PHIP: variants seen among roughly 807,000 people sequenced by gnomAD.
PHIP encodes PH-interacting protein.
PHIP carries 54 observed loss-of-function variants against 236.8 expected under a neutral mutation model. The observed-to-expected ratio is 0.23, with a 90% CI of 0.18 to 0.29. The LOEUF (loss-of-function observed/expected upper bound fraction) is 0.29. PHIP is among the 10% of genes least tolerant of loss of function. The pLI is 1.00. For synonymous variants in PHIP, 756 were observed against 718.9 expected (o/e 1.05, Z -0.83); for missense variants, 1,370 against 2,190.8 (o/e 0.63, Z 7.48).
chr6:79,049,049 T>C (rs1271546201), intron 6 of PHIP, among the ~76,000 whole-genome samples: 1 of 152,004 alleles, frequency 6.6e-6, no homozygotes, highest in Admixed American at 6.6e-5. Flanking sequence ...TTAATTCATT[T>C]TTTATCCTCT....
At chr6:78,984,864 A>G (rs1206531470) in intron 22 of PHIP, among the ~76,000 whole-genome samples, 2 of 152,218 alleles carry the variant, frequency 1.3e-5, no homozygotes, top group African/African-American at 4.8e-5. Flanking sequence ...TTGCAAAGTT[A>G]GCCAAGGTCA....
In PHIP at chr6:79,042,930, C is replaced by A; in HGVS notation, c.513G>T (p.Gln171His). 6.2e-7 allele frequency: 1 copy of A among 1,612,164 alleles called. No homozygotes were observed. The highest frequency in any genetic ancestry group is 8.5e-7 in the Non-Finnish European group (1 of 1,178,520). ...GAATTCGTTTATGCATTTTCATGTG[C>A]TGATACACTGCAGTTGGAACAAGTC... ...LERLVPTAVY[Q>H]HMKMHKRILG... Residue 171 changes from glutamine (Q) to histidine (H), a missense_variant, in exon 7 of 40, where the codon CAG becomes CAT. Physicochemically the swap from Gln to His is conservative, Grantham distance 24 (BLOSUM62 0). Around this residue, in one of 14 missense-constraint regions of PHIP, gnomAD observed 82 missense variants for 203.2 expected, o/e 0.40. Coordinates refer to ENST00000275034, the MANE Select transcript of PHIP (RefSeq NM_017934.7).
chr6:79,005,427 T>C (rs1041686822), intron 15 of PHIP, among the ~76,000 whole-genome samples: 4 of 151,948 alleles, frequency 2.6e-5, no homozygotes, highest in Non-Finnish European at 5.9e-5. Flanking sequence ...TTTTCAGTGT[T>C]TTCCTAGGCA....
At chr6:79,051,244 C>A (rs1772779510) in intron 6 of PHIP, among the ~76,000 whole-genome samples, 2 of 152,126 alleles carry the variant, frequency 1.3e-5, no homozygotes, top group African/African-American at 4.8e-5. Context: ...CAGCAAGTAG[C>A]AACCAACCAA....
chr6:79,060,898 T>G, intron 4 of PHIP, 80 bp from the exon 5 acceptor site: 1 of 924,864 alleles, frequency 1.1e-6, no homozygotes, highest in Non-Finnish European at 1.6e-6. Flanking sequence ...ATAAAAAAAT[T>G]CATCCAAGTA....
chr6:79,006,251 G>C (rs1014577215), intron 15 of PHIP, among the ~76,000 whole-genome samples: 1 of 151,944 alleles, frequency 6.6e-6, no homozygotes, highest in Admixed American at 6.6e-5. Context: ...TTTATTAATA[G>C]ATCCTCAGAC....
At chr6:79,060,841 A>G in intron 4 of PHIP, 23 bp from the exon 5 acceptor site, 1 of 1,451,116 alleles carries the variant, frequency 6.9e-7, no homozygotes, top group Non-Finnish European at 9.4e-7. Flanking sequence ...AGACAAATAT[A>G]GTAGGTTTCA....
intron 21 of PHIP, 76 bp from the exon 22 acceptor site, chr6:78,985,504 ATATCT>A (rs1196137313): frequency 2.1e-5 from 17 of 801,490 alleles, no homozygotes; most frequent in South Asian, 5.6e-5. Context: ...AATATCAGTG[ATATCT>A]TATAATATCA....
At chr6:79,055,456 G>C (rs1277374495) in intron 6 of PHIP, among the ~76,000 whole-genome samples, 1 of 152,146 alleles carries the variant, frequency 6.6e-6, no homozygotes, top group Non-Finnish European at 1.5e-5. Context: ...ATGGAGGTAA[G>C]AGAAAGGACA....
At position 78,978,720 on chromosome 6, in the gene PHIP, A is replaced by G. The variant is rs1167714201; in HGVS notation, c.2770-9T>C. ...TCTCCCACAGCCAATCTCTGACAAA[A>G]TTTAAGTAATAATTGTTAAGTAATA... is the stretch of plus-strand genomic sequence containing the variant. On this transcript the variant is annotated splice_polypyrimidine_tract_variant and intron_variant, in intron 23 of 39. Transcript: ENST00000275034. The G allele has an allele frequency of 6.3e-7, 1 of 1,589,764 alleles. No individual in the cohort carries two copies. Among genetic ancestry groups the G allele is most frequent in the Non-Finnish European group, 8.6e-7 (1 of 1,162,566 alleles).
chr6:79,012,803 CA>C (rs1303655195), intron 15 of PHIP, among the ~76,000 whole-genome samples: 4 of 150,976 alleles, frequency 2.6e-5, no homozygotes, highest in African/African-American at 9.7e-5. Flanking sequence ...ATAAATAAAA[CA>C]AGCAATGAAA....
At chr6:79,024,497 C>CATCCA (rs1771286836) in intron 9 of PHIP, among the ~76,000 whole-genome samples, 1 of 152,140 alleles carries the variant, frequency 6.6e-6, no homozygotes, top group South Asian at 2.1e-4. Flanking sequence ...CTCCCCACTA[C>CATCCA]ATCCACTTAA....
intron 32 of PHIP, chr6:78,956,871 T>C (rs920509591): frequency 3.3e-5 from 5 of 152,076 alleles, no homozygotes; most frequent in Admixed American, 6.5e-5. Context: ...CCTTATATTA[T>C]ACTTTCTTAC....
At chr6:78,985,812 A>G (rs575665055) in intron 21 of PHIP, among the ~76,000 whole-genome samples, 5 of 152,336 alleles carry the variant, frequency 3.3e-5, no homozygotes, top group Non-Finnish European at 4.4e-5. Context: ...ACTACACTCC[A>G]GAGACTGTCT....
intron 14 of PHIP, 30 bp downstream of exon 14, chr6:79,015,600 T>C (rs1770798071): frequency 1.3e-6 from 2 of 1,495,554 alleles, no homozygotes; most frequent in Non-Finnish European, 1.8e-6. Flanking sequence ...GCTTCAGTTA[T>C]ATCAAATAAA....
intron 22 of PHIP, 51 bp downstream of exon 22, chr6:78,985,301 C>T (rs1554200980): frequency 8.9e-6 from 9 of 1,010,606 alleles, no homozygotes; most frequent in South Asian, 1.4e-5. Flanking sequence ...AAAAAAACAC[C>T]TTTCTAAAGA....
chr6:79,058,189 T>C (rs190699470), intron 6 of PHIP, among the ~76,000 whole-genome samples: 1 of 152,186 alleles, frequency 6.6e-6, no homozygotes, highest in Admixed American at 6.6e-5. Context: ...ATCACCTGCT[T>C]GGCAATTAAT....
chr6:79,003,668 T>C, intron 16 of PHIP, 62 bp downstream of exon 16: 1 of 1,204,834 alleles, frequency 8.3e-7, no homozygotes. Flanking sequence ...TCCAAAAACA[T>C]ACAACCCCTA....
intron 12 of PHIP, 135 bp downstream of exon 12, chr6:79,017,211 C>T: frequency 1.8e-6 from 1 of 553,912 alleles, no homozygotes. Flanking sequence ...AGGCTATATT[C>T]ACTTTTAAGT....
Sources: allele counts gnomAD v4.1 joint callset (sites outside exome capture counted in the v4.1 genomes callset), GRCh38; gene constraint gnomAD v4.1.1; regional missense constraint gnomAD v4.1.1; transcripts MANE v1.5; gene names NCBI Gene and HGNC (gene_info 2026-07-23, HGNC 2026-07-21).